PLCZ1: variants seen among roughly 807,000 people sequenced by gnomAD.
The protein encoded by PLCZ1 is phospholipase C zeta 1.
PLCZ1 carries 64 observed loss-of-function variants against 76.8 expected under a neutral mutation model. That is an observed-to-expected ratio of 0.83 (90% confidence interval 0.68 to 1.03). PLCZ1 has a LOEUF of 1.03. Ranked by LOEUF, PLCZ1 falls within the 50% of genes least tolerant of loss-of-function variation. The pLI is 0.00. For synonymous variants in PLCZ1, 248 were observed against 230.8 expected (o/e 1.07, Z -0.68); for missense variants, 751 against 713.7 (o/e 1.05, Z -0.60).
the PLCZ1 span, among the ~76,000 whole-genome samples, chr12:18,654,320 A>G: frequency 6.6e-6 from 1 of 151,456 alleles, no homozygotes; most frequent in Non-Finnish European, 1.5e-5. Flanking sequence ...AATCTATCAG[A>G]TAAGAAAAGG....
In PLCZ1 at chr12:18,712,918, A is replaced by G; in HGVS notation, c.638T>C (p.Val213Ala). 1 of 1,613,986 alleles carries G rather than the reference A, an allele frequency of 6.2e-7. No individual in the cohort carries two copies. Among genetic ancestry groups the G allele is most frequent in the South Asian group, 1.1e-5 (1 of 91,076 alleles). Reference protein sequence around the residue: ...CWDGAQNEPVVYHGYTLTSKL... With the variant: ...CWDGAQNEPVAYHGYTLTSKL... ...GCTTGTGAGTGTGTAGCCATGATATACAACAGGTTCATTTTGTGCTCCATC... is the reference window on the plus strand; with the variant it reads ...GCTTGTGAGTGTGTAGCCATGATATGCAACAGGTTCATTTTGTGCTCCATC... The change falls in exon 6 of 15, where the codon GTA becomes GCA. Residue 213 changes from valine (V) to alanine (A), a missense_variant. Val to Ala is a moderately conservative substitution (Grantham distance 64). Transcript: ENST00000266505.
At chr12:18,711,177 A>G (rs1957269099) in intron 6 of PLCZ1, among the ~76,000 whole-genome samples, 1 of 152,032 alleles carries the variant, frequency 6.6e-6, no homozygotes, top group Non-Finnish European at 1.5e-5. Context: ...AATGGGGAAC[A>G]TATACACCAT....
chr12:18,665,062 A>G, the PLCZ1 span, among the ~76,000 whole-genome samples: 1 of 151,194 alleles, frequency 6.6e-6, no homozygotes. Flanking sequence ...ATGCTAAATG[A>G]CGAGTTGATG....
chr12:18,691,447 A>G (rs1954071366), intron 12 of PLCZ1, among the ~76,000 whole-genome samples: 2 of 152,160 alleles, frequency 1.3e-5, no homozygotes, highest in African/African-American at 4.8e-5. Context: ...ATGTTTATGT[A>G]ACAGAATCCA....
intron 4 of PLCZ1, among the ~76,000 whole-genome samples, chr12:18,722,595 A>G (rs924638929): frequency 6.6e-6 from 1 of 152,064 alleles, no homozygotes; most frequent in Non-Finnish European, 1.5e-5. Flanking sequence ...ATGTTTTGGT[A>G]CCATATATGA....
intron 6 of PLCZ1, among the ~76,000 whole-genome samples, chr12:18,710,719 C>T (rs1050874377): frequency 1.3e-5 from 2 of 152,080 alleles, no homozygotes; most frequent in Admixed American, 6.6e-5. Context: ...ATTCAGGATA[C>T]ATTTTAAAAG....
chr12:18,661,375 A>AG, the PLCZ1 span, among the ~76,000 whole-genome samples: 134 of 107,000 alleles, frequency 1.3e-3, no homozygotes, highest in African/African-American at 3.6e-3. Context: ...AAATAAAAAA[A>AG]AAGAGAGAGA....
intron 10 of PLCZ1, among the ~76,000 whole-genome samples, chr12:18,697,973 C>T (rs966059909): frequency 6.6e-6 from 1 of 151,816 alleles, no homozygotes; most frequent in African/African-American, 2.4e-5. Context: ...TATCTAATTC[C>T]TTTCCAAAAT....
intron 5 of PLCZ1, among the ~76,000 whole-genome samples, chr12:18,717,996 G>A (rs1312532142): frequency 2.6e-5 from 4 of 152,106 alleles, no homozygotes; most frequent in African/African-American, 9.7e-5. Flanking sequence ...TCAGCCACAT[G>A]ATCACAAGGG....
At chr12:18,671,119 G>A in the PLCZ1 span, among the ~76,000 whole-genome samples, 1 of 150,958 alleles carries the variant, frequency 6.6e-6, no homozygotes, top group African/African-American at 2.4e-5. Flanking sequence ...GGAGGTGACA[G>A]TGATTTCAGC....
At chr12:18,653,886 A>G in the PLCZ1 span, among the ~76,000 whole-genome samples, 1 of 152,104 alleles carries the variant, frequency 6.6e-6, no homozygotes, top group Admixed American at 6.6e-5. Context: ...GACTGAGATT[A>G]TTGCATGCCC....
chr12:18,704,761 GAA>G (rs1337560564), intron 7 of PLCZ1, among the ~76,000 whole-genome samples: 5 of 152,142 alleles, frequency 3.3e-5, no homozygotes, highest in African/African-American at 1.2e-4. Context: ...CAGGGAAATT[GAA>G]AAGAGTAGAT....
In PLCZ1 at chr12:18,695,032, C is replaced by T. The variant is rs760730677; in HGVS notation, c.1339G>A (p.Gly447Arg). ...TPGLPMDLQN[G>R]KFLDNGGSGY... is the part of the protein sequence containing the mutation. ...GAACCACCATTATCCAAAAATTTCC[C>T]ATTTTGCAGATCCATGGGCAGACCA... Residue 447 changes from glycine (G) to arginine (R), a missense_variant, in exon 12 of 15, where the codon GGG becomes AGG. Transcript: ENST00000266505. 2 of 1,613,006 alleles carry T rather than the reference C, an allele frequency of 1.2e-6. No homozygotes were observed. The highest frequency in any genetic ancestry group is 8.5e-7 in the Non-Finnish European group (1 of 1,179,284).
At chr12:18,665,787 T>C in the PLCZ1 span, among the ~76,000 whole-genome samples, 33 of 151,888 alleles carry the variant, frequency 2.2e-4, no homozygotes, top group Non-Finnish European at 4.1e-4. Context: ...TACAAAAAAT[T>C]AGCCAGGCGT....
At chr12:18,729,774 C>T (rs1242996104) in intron 3 of PLCZ1, among the ~76,000 whole-genome samples, 1 of 151,944 alleles carries the variant, frequency 6.6e-6, no homozygotes, top group Non-Finnish European at 1.5e-5. Flanking sequence ...CTGCTCAAGC[C>T]ATGAATCAAT....
chr12:18,694,798 T>G (rs73060535), intron 12 of PLCZ1, 112 bp downstream of exon 12: 58,837 of 884,224 alleles, frequency 0.067, 2,230 homozygotes, highest in Middle Eastern at 0.11. Flanking sequence ...CTGAAAAGAT[T>G]AACAGAAATT....
chr12:18,678,698 C>G (rs1476499717), downstream of PLCZ1, among the ~76,000 whole-genome samples: 2 of 152,068 alleles, frequency 1.3e-5, 1 homozygote, highest in Middle Eastern at 6.8e-3. Flanking sequence ...TCCTTTATTA[C>G]ATTAAATAGT....
the PLCZ1 span, among the ~76,000 whole-genome samples, chr12:18,656,898 G>A: frequency 6.6e-6 from 1 of 152,152 alleles, no homozygotes; most frequent in South Asian, 2.1e-4. Flanking sequence ...GAGAGATGTG[G>A]TGTTAAAGTT....
intron 6 of PLCZ1, among the ~76,000 whole-genome samples, chr12:18,709,791 A>C (rs763193958): frequency 1.3e-5 from 2 of 152,164 alleles, no homozygotes; most frequent in Non-Finnish European, 2.9e-5. Flanking sequence ...CTTCTGATTC[A>C]GGAGTATAGG....
Sources: allele counts gnomAD v4.1 joint callset (sites outside exome capture counted in the v4.1 genomes callset), GRCh38; gene constraint gnomAD v4.1.1; transcripts MANE v1.5; gene names NCBI Gene and HGNC (gene_info 2026-07-23, HGNC 2026-07-21).